The following CNIH3 variants were observed in gnomAD, a reference collection of about 807,000 sequenced individuals.
The protein encoded by CNIH3 is cornichon family AMPA receptor auxiliary protein 3.
In CNIH3, 14 loss-of-function variants were observed where a neutral mutation model predicts 24.1. The ratio of observed to expected loss-of-function variants is 0.58; its 90% CI spans 0.38 to 0.91. The LOEUF (loss-of-function observed/expected upper bound fraction) is 0.91. Ranked by LOEUF, CNIH3 falls within the 40% of genes least tolerant of loss-of-function variation. The probability of loss-of-function intolerance (pLI) is 0.00; values close to 1 mark genes in which losing one functional copy is unlikely to be tolerated. For missense variants in CNIH3, 178 were observed against 196.8 expected, an observed-to-expected ratio of 0.90 and a Z score of 0.57; for synonymous variants, 68 against 73.8, an observed-to-expected ratio of 0.92 and a Z score of 0.40.
At chr1:224,688,770 C>T (rs1686783762) in intron 3 of CNIH3, among the ~76,000 whole-genome samples, 1 of 151,742 alleles carries the variant, frequency 6.6e-6, no homozygotes, top group Non-Finnish European at 1.5e-5. Context: ...GTGAAACCCC[C>T]ACAAATTAGT....
At chr1:224,539,522 A>G (rs1359708689), downstream of CNIH3, among the ~76,000 whole-genome samples, 1 of 152,150 alleles carries the variant, frequency 6.6e-6, no homozygotes, top group Non-Finnish European at 1.5e-5. Flanking sequence ...CCTCCTCAGA[A>G]TCATCAGTGG....
intron 1 of CNIH3, among the ~76,000 whole-genome samples, chr1:224,463,994 T>C (rs915319906): frequency 2.7e-5 from 4 of 149,620 alleles, no homozygotes; most frequent in African/African-American, 9.9e-5. Context: ...TTTCACCATA[T>C]TGGCCAGGCT....
At chr1:224,575,321 A>G in intron 4 of CNIH3, 1 of 1,029,458 alleles carries the variant, frequency 9.7e-7, no homozygotes, top group Non-Finnish European at 1.5e-6. Flanking sequence ...GTTACAACAG[A>G]ACTGGAGGGT....
chr1:224,641,301 CAATTCCCGGGG>C (rs1448624275), intron 1 of CNIH3, among the ~76,000 whole-genome samples: 1 of 152,206 alleles, frequency 6.6e-6, no homozygotes, highest in African/African-American at 2.4e-5. Flanking sequence ...GCCCACCAGT[CAATTCCCGGGG>C]AACAGTGCCT....
intron 1 of CNIH3, among the ~76,000 whole-genome samples, chr1:224,460,081 C>T (rs986707444): frequency 6.6e-6 from 1 of 151,822 alleles, no homozygotes; most frequent in Non-Finnish European, 1.5e-5. Context: ...TTTGTCATAT[C>T]GCCCAGGCTG....
intron 4 of CNIH3, among the ~76,000 whole-genome samples, chr1:224,580,292 C>T (rs1681215605): frequency 3.9e-5 from 6 of 152,152 alleles, no homozygotes. Context: ...GCCACTCATC[C>T]ATCTGCTTTC....
intron 3 of CNIH3, among the ~76,000 whole-genome samples, chr1:224,690,174 C>T (rs1686861186): frequency 6.6e-6 from 1 of 152,122 alleles, no homozygotes. Flanking sequence ...ATGTTCACAT[C>T]CCTTAGACCA....
intron 1 of CNIH3, among the ~76,000 whole-genome samples, chr1:224,438,483 G>C (rs963715102): frequency 2.6e-5 from 4 of 152,224 alleles, no homozygotes; most frequent in African/African-American, 9.6e-5. Flanking sequence ...AGTAGAGACT[G>C]TAGTTGTTCT....
intron 1 of CNIH3, among the ~76,000 whole-genome samples, chr1:224,670,129 C>A (rs1186192149): frequency 6.6e-6 from 1 of 152,194 alleles, no homozygotes; most frequent in Non-Finnish European, 1.5e-5. Context: ...TGGGAACTGG[C>A]AGGGTCAGGA....
At chr1:224,540,440 T>C (rs1229225995), downstream of CNIH3, among the ~76,000 whole-genome samples, 2 of 152,116 alleles carry the variant, frequency 1.3e-5, no homozygotes, top group Non-Finnish European at 2.9e-5. Context: ...ATTTTTAGAC[T>C]CTCCAATATG....
chr1:224,544,225 C>T (rs1295547755), intron 2 of CNIH3, among the ~76,000 whole-genome samples: 1 of 152,156 alleles, frequency 6.6e-6, no homozygotes, highest in Non-Finnish European at 1.5e-5. Context: ...ATTTATTGCT[C>T]CCTCCAAAAT....
chr1:224,696,021 G>A (rs1022803403), intron 3 of CNIH3, among the ~76,000 whole-genome samples: 4 of 152,184 alleles, frequency 2.6e-5, no homozygotes, highest in African/African-American at 9.7e-5. Context: ...ATATGGGTTT[G>A]GGTCTGTGAG....
intron 1 of CNIH3, among the ~76,000 whole-genome samples, chr1:224,639,978 T>G (rs1684278755): frequency 6.6e-6 from 1 of 152,218 alleles, no homozygotes; most frequent in Non-Finnish European, 1.5e-5. Flanking sequence ...TAACTTCTGT[T>G]TTCCTGACAT....
chr1:224,700,456 A>T (rs1687425161), intron 3 of CNIH3, among the ~76,000 whole-genome samples: 1 of 152,232 alleles, frequency 6.6e-6, no homozygotes, highest in Non-Finnish European at 1.5e-5. Flanking sequence ...CCCATTGGCT[A>T]GGAGAAATGA....
intron 3 of CNIH3, among the ~76,000 whole-genome samples, chr1:224,565,060 T>C (rs1680525074): frequency 6.6e-6 from 1 of 152,184 alleles, no homozygotes; most frequent in African/African-American, 2.4e-5. Flanking sequence ...GTTGATTCCA[T>C]TTATCACAAG....
chr1:224,598,140 C>T (rs934498393), intron 3 of CNIH3, among the ~76,000 whole-genome samples: 2 of 152,214 alleles, frequency 1.3e-5, no homozygotes, highest in South Asian at 2.1e-4. Flanking sequence ...GTGAGGAGGC[C>T]GAAATATCCA....
intron 1 of CNIH3, among the ~76,000 whole-genome samples, chr1:224,506,262 C>G (rs1462115277): frequency 8.1e-6 from 1 of 123,502 alleles, no homozygotes; most frequent in Non-Finnish European, 1.7e-5. Flanking sequence ...CACTCATATG[C>G]ACGCACACGC....
chr1:224,669,610 C>T (rs1284457781), intron 1 of CNIH3, among the ~76,000 whole-genome samples: 1 of 152,108 alleles, frequency 6.6e-6, no homozygotes, highest in Non-Finnish European at 1.5e-5. Flanking sequence ...TGCTCAAGGC[C>T]AGAAAGGGGA....
intron 1 of CNIH3, among the ~76,000 whole-genome samples, chr1:224,455,889 C>T (rs1222674112): frequency 2.0e-5 from 3 of 152,158 alleles, no homozygotes; most frequent in Non-Finnish European, 4.4e-5. Context: ...ATGTTTGAAA[C>T]ATCAAACATA....
Sources: gnomAD v4.1 joint callset for allele counts (sites outside exome capture counted in the v4.1 genomes callset) on GRCh38, gnomAD v4.1.1 for gene constraint, MANE v1.5 for transcripts, NCBI Gene and HGNC (gene_info 2026-07-23, HGNC 2026-07-21) for gene names.